SLMAP: variants seen among roughly 807,000 people sequenced by gnomAD.
SLMAP encodes the protein sarcolemmal membrane-associated protein.
SLMAP carries 44 observed loss-of-function variants against 128.8 expected under a neutral mutation model. The observed-to-expected ratio is 0.34, with a 90% CI of 0.27 to 0.44. The LOEUF is 0.44. SLMAP is among the 20% of genes least tolerant of loss of function. SLMAP has a pLI of 1.00. For synonymous variants in SLMAP, 327 were observed against 348.8 expected (o/e 0.94, Z 0.70); for missense variants, 787 against 985.3 (o/e 0.80, Z 2.69).
intron 22 of SLMAP, among the ~76,000 whole-genome samples, chr3:57,922,362 ATTT>A (rs1042669036): frequency 6.6e-6 from 1 of 150,794 alleles, no homozygotes; most frequent in African/African-American, 2.4e-5. Flanking sequence ...ATTACTCTTA[ATTT>A]TTTTTAACTC....
At chr3:57,893,078 C>T (rs2096135200) in intron 15 of SLMAP, among the ~76,000 whole-genome samples, 1 of 151,896 alleles carries the variant, frequency 6.6e-6, no homozygotes, top group African/African-American at 2.4e-5. Context: ...CTTGATCCGC[C>T]CGCCTCGGCC....
intron 3 of SLMAP, among the ~76,000 whole-genome samples, chr3:57,834,181 T>C (rs1237993714): frequency 2.6e-5 from 4 of 152,114 alleles, no homozygotes; most frequent in African/African-American, 7.2e-5. Flanking sequence ...AATTAAGAAA[T>C]CTGACACTAA....
At chr3:57,823,994 G>A (rs541029024) in intron 2 of SLMAP, among the ~76,000 whole-genome samples, 1 of 152,118 alleles carries the variant, frequency 6.6e-6, no homozygotes, top group South Asian at 2.1e-4. Flanking sequence ...TTTTTCATGT[G>A]TCTTTTGGCT....
chr3:57,923,718 T>C (rs764750383), intron 23 of SLMAP, among the ~76,000 whole-genome samples: 7 of 152,216 alleles, frequency 4.6e-5, no homozygotes, highest in Non-Finnish European at 8.8e-5. Context: ...ACCACTGTCA[T>C]GGCTTGGACA....
chr3:57,917,227 C>T, intron 22 of SLMAP, 150 bp downstream of exon 22: 2 of 1,511,456 alleles, frequency 1.3e-6, no homozygotes, highest in East Asian at 2.5e-5. Context: ...TTGGTGATTT[C>T]TAGCTGCATA....
chr3:57,854,121 T>C (rs1300943821), intron 6 of SLMAP, among the ~76,000 whole-genome samples: 1 of 147,246 alleles, frequency 6.8e-6, no homozygotes, highest in Non-Finnish European at 1.5e-5. Context: ...ATATATATCT[T>C]TGGAGCTGCC....
intron 2 of SLMAP, among the ~76,000 whole-genome samples, chr3:57,816,903 A>G (rs2091921522): frequency 6.6e-6 from 1 of 152,200 alleles, no homozygotes; most frequent in African/African-American, 2.4e-5. Context: ...CAGCATAAGG[A>G]AAGACAGAGA....
Position 57,912,655 on chromosome 3 carries a change from T to C in SLMAP, c.1974T>C (p.Cys658=), listed in dbSNP as rs1217195466. 2 of 1,614,024 alleles carry C rather than the reference T, an allele frequency of 1.2e-6. No homozygotes were observed. The highest frequency in any genetic ancestry group is 1.3e-5 in the African/African-American group (1 of 75,050). ...TGCAAAACAGTTTTCAGCTTAGATG[T>C]CAACAGTGTGAGGACCAGCAGAGAG... ...TSLQNSFQLR[C]QQCEDQQREE... Residue 658 remains cysteine (C), a synonymous_variant, in exon 20 of 25, where the codon TGT becomes TGC. Coordinates refer to ENST00000671191, the MANE Select transcript of SLMAP (RefSeq NM_001377540.1).
intron 2 of SLMAP, among the ~76,000 whole-genome samples, chr3:57,762,710 G>GTTTTT (rs752054975): frequency 5.4e-4 from 58 of 107,774 alleles, no homozygotes; most frequent in African/African-American, 1.2e-3. Context: ...TAGTAGAATG[G>GTTTTT]TTTTTTTTTT....
chr3:57,888,360 C>G (rs1340145975), intron 14 of SLMAP, among the ~76,000 whole-genome samples: 3 of 152,122 alleles, frequency 2.0e-5, no homozygotes, highest in African/African-American at 7.2e-5. Flanking sequence ...CGCAGTGGCT[C>G]ATGCCTGTAA....
intron 13 of SLMAP, among the ~76,000 whole-genome samples, chr3:57,867,541 C>T (rs1030942909): frequency 9.9e-5 from 15 of 151,900 alleles, no homozygotes; most frequent in African/African-American, 2.7e-4. Flanking sequence ...TATTGAGTTA[C>T]GGTATGATAG....
chr3:57,771,516 C>A (rs1372491641), intron 2 of SLMAP, among the ~76,000 whole-genome samples: 1 of 152,122 alleles, frequency 6.6e-6, no homozygotes, highest in Non-Finnish European at 1.5e-5. Flanking sequence ...CAGGCATGAG[C>A]CACTGCACCT....
intron 2 of SLMAP, among the ~76,000 whole-genome samples, chr3:57,821,715 T>C (rs887896787): frequency 6.6e-6 from 1 of 152,192 alleles, no homozygotes; most frequent in African/African-American, 2.4e-5. Flanking sequence ...ATCAAAGCTG[T>C]TGGATTAATC....
chr3:57,780,120 CT>C (rs201844391), intron 2 of SLMAP, among the ~76,000 whole-genome samples: 33 of 146,722 alleles, frequency 2.2e-4, no homozygotes, highest in African/African-American at 6.7e-4. Context: ...TTAATGTTCC[CT>C]TTTTTTTTTC....
intron 14 of SLMAP, among the ~76,000 whole-genome samples, chr3:57,882,378 A>C (rs573711279): frequency 6.6e-6 from 1 of 152,368 alleles, no homozygotes; most frequent in South Asian, 2.1e-4. Flanking sequence ...GATAGGGAAC[A>C]ATAAAGGTAG....
At chr3:57,923,775 G>A (rs1043822022) in intron 23 of SLMAP, among the ~76,000 whole-genome samples, 2 of 152,124 alleles carry the variant, frequency 1.3e-5, no homozygotes, top group African/African-American at 2.4e-5. Context: ...AAGCCACTTC[G>A]CTTACCTTGC....
intron 17 of SLMAP, among the ~76,000 whole-genome samples, chr3:57,903,014 T>G (rs556921160): frequency 1.3e-5 from 2 of 152,274 alleles, no homozygotes; most frequent in South Asian, 2.1e-4. Flanking sequence ...ACCTGAGAGA[T>G]ACAGAGATAA....
chr3:57,764,440 T>G (rs2079258568), intron 2 of SLMAP, among the ~76,000 whole-genome samples: 1 of 149,586 alleles, frequency 6.7e-6, no homozygotes, highest in African/African-American at 2.5e-5. Flanking sequence ...AAGCGGAGGT[T>G]GCAGTGAGCA....
chr3:57,846,508 A>G, intron 4 of SLMAP, among the ~76,000 whole-genome samples: 1 of 151,856 alleles, frequency 6.6e-6, no homozygotes, highest in Non-Finnish European at 1.5e-5. Context: ...GGAATGTTTA[A>G]TTTTAAAAGA....
Sources: gnomAD v4.1 joint callset for allele counts (sites outside exome capture counted in the v4.1 genomes callset) on GRCh38, gnomAD v4.1.1 for gene constraint, MANE v1.5 for transcripts, NCBI Gene and HGNC (gene_info 2026-07-23, HGNC 2026-07-21) for gene names.